The following CHLSN variants were observed in gnomAD, a reference collection of about 807,000 sequenced individuals.
The protein encoded by CHLSN is cholesin.
the CHLSN span, chr7:1,058,089 G>A: frequency 1.3e-6 from 1 of 766,288 alleles, no homozygotes; most frequent in East Asian, 2.4e-5. Flanking sequence ...CGCCACGCTG[G>A]TGTTCATCGG....
the CHLSN span, among the ~76,000 whole-genome samples, chr7:1,117,132 T>G: frequency 1.2e-3 from 74 of 60,014 alleles, no homozygotes; most frequent in Admixed American, 2.5e-3. Flanking sequence ...GATGATGACA[T>G]CACTACAGCT....
chr7:1,127,674 G>A, the CHLSN span, among the ~76,000 whole-genome samples: 3 of 64,580 alleles, frequency 4.6e-5, no homozygotes, highest in Admixed American at 1.7e-4. Context: ...TCATCCCACC[G>A]TCACCCGGGC....
the CHLSN span, among the ~76,000 whole-genome samples, chr7:1,118,438 A>G: frequency 2.6e-5 from 4 of 152,160 alleles, no homozygotes; most frequent in Admixed American, 2.0e-4. Flanking sequence ...TTCCCAATAC[A>G]CCATCAATAA....
the CHLSN span, among the ~76,000 whole-genome samples, chr7:1,001,368 G>T: frequency 6.6e-6 from 1 of 151,286 alleles, no homozygotes; most frequent in African/African-American, 2.4e-5. Context: ...TGGGTGGGGA[G>T]TCCTGTGGGT....
At chr7:1,096,131 C>A in the CHLSN span, among the ~76,000 whole-genome samples, 1 of 152,228 alleles carries the variant, frequency 6.6e-6, no homozygotes, top group Non-Finnish European at 1.5e-5. The surrounding 1 kb of genome is among the most constrained non-coding windows in gnomAD (Gnocchi z 4.6). Context: ...CCTGCCCGCA[C>A]CAGACACCGC....
chr7:1,089,810 C>T, the CHLSN span, among the ~76,000 whole-genome samples: 1 of 150,962 alleles, frequency 6.6e-6, no homozygotes, highest in Non-Finnish European at 1.5e-5. Flanking sequence ...TGGCCCGGCG[C>T]GGTGGATCAC....
chr7:1,089,885 C>T, the CHLSN span, among the ~76,000 whole-genome samples: 27 of 151,710 alleles, frequency 1.8e-4, no homozygotes, highest in East Asian at 4.8e-3. Flanking sequence ...AAGTTCGATA[C>T]AAGCCTGGGC....
At chr7:1,094,839 C>G in the CHLSN span, among the ~76,000 whole-genome samples, 4 of 152,170 alleles carry the variant, frequency 2.6e-5, no homozygotes, top group African/African-American at 9.7e-5. Context: ...ACCCCAGCAC[C>G]GTGGTGCTGG....
the CHLSN span, among the ~76,000 whole-genome samples, chr7:1,108,040 G>A: frequency 2.3e-5 from 2 of 85,750 alleles, no homozygotes; most frequent in Non-Finnish European, 4.3e-5. Flanking sequence ...CCCGCACCCC[G>A]GGGGGAAGCA....
At chr7:1,049,408 T>C in the CHLSN span, among the ~76,000 whole-genome samples, 1 of 152,188 alleles carries the variant, frequency 6.6e-6, no homozygotes, top group African/African-American at 2.4e-5. Flanking sequence ...ATGAAGATTT[T>C]TACTAAGCCT....
At chr7:997,817 G>C in the CHLSN span, 1 of 1,602,532 alleles carries the variant, frequency 6.2e-7, no homozygotes, top group Non-Finnish European at 8.5e-7. Flanking sequence ...GGACGGGAAA[G>C]AGATCGAGTT....
At chr7:999,238 C>T in the CHLSN span, among the ~76,000 whole-genome samples, 2 of 152,162 alleles carry the variant, frequency 1.3e-5, no homozygotes, top group East Asian at 1.9e-4. Flanking sequence ...CAAAACAAAA[C>T]GTGGAAACCC....
At chr7:1,050,089 A>T in the CHLSN span, among the ~76,000 whole-genome samples, 1 of 152,230 alleles carries the variant, frequency 6.6e-6, no homozygotes, top group Non-Finnish European at 1.5e-5. Context: ...CCGCAAGCAC[A>T]GGGTCTTCTG....
chr7:1,031,414 AGGGCAGAGTGGTCCGGGG>A, the CHLSN span, among the ~76,000 whole-genome samples: 1 of 109,076 alleles, frequency 9.2e-6, no homozygotes, highest in Non-Finnish European at 1.8e-5. Context: ...ACCTGCAGGG[AGGGCAGAGTGGTCCGGGG>A]GGGCAGAGAC....
At chr7:995,007 G>C in the CHLSN span, among the ~76,000 whole-genome samples, 1 of 152,232 alleles carries the variant, frequency 6.6e-6, no homozygotes, top group African/African-American at 2.4e-5. Context: ...ACAGACGTGA[G>C]GGACGGACGT....
chr7:1,066,172 C>T, the CHLSN span, among the ~76,000 whole-genome samples: 3 of 152,358 alleles, frequency 2.0e-5, no homozygotes, highest in Admixed American at 1.3e-4. Flanking sequence ...AGCTCCATGG[C>T]GCTGCGGGGT....
At chr7:1,082,833 A>C in the CHLSN span, among the ~76,000 whole-genome samples, 1 of 152,234 alleles carries the variant, frequency 6.6e-6, no homozygotes, top group Non-Finnish European at 1.5e-5. Context: ...CTAAGGAAGC[A>C]CCGGGGAGTG....
the CHLSN span, among the ~76,000 whole-genome samples, chr7:1,070,702 G>C: frequency 1.5e-5 from 2 of 136,844 alleles, no homozygotes; most frequent in Non-Finnish European, 1.6e-5. Context: ...GCACACGCGA[G>C]CACATGAACA....
the CHLSN span, among the ~76,000 whole-genome samples, chr7:1,032,796 T>C: frequency 6.6e-6 from 1 of 152,224 alleles, no homozygotes; most frequent in Admixed American, 6.5e-5. Context: ...AAAACACTGG[T>C]CGGAGTCGCC....
Sources: allele counts gnomAD v4.1 joint callset (sites outside exome capture counted in the v4.1 genomes callset), GRCh38; gene constraint gnomAD v4.1.1; non-coding constraint Gnocchi (gnomAD v3.1); transcripts MANE v1.5; gene names NCBI Gene and HGNC (gene_info 2026-07-23, HGNC 2026-07-21).